NCBP2L: variants seen among roughly 807,000 people sequenced by gnomAD.
NCBP2L encodes the protein nuclear cap-binding protein subunit 2-like.
For synonymous variants in NCBP2L, 39 were observed against 19.2 expected (o/e 2.04, Z -2.70); for missense variants, 95 against 53.1 (o/e 1.79, Z -2.45).
intron 1 of NCBP2L, among the ~76,000 whole-genome samples, chrX:107,783,319 C>A (rs1211847339): frequency 2.0e-5 from 2 of 101,185 alleles, no homozygotes; most frequent in African/African-American, 7.4e-5. Flanking sequence ...CCTGTCTCTA[C>A]TACAAATATA....
At chrX:107,791,667 G>T (rs1278076967) in intron 1 of NCBP2L, among the ~76,000 whole-genome samples, 1 of 112,320 alleles carries the variant, frequency 8.9e-6, no homozygotes, top group Non-Finnish European at 1.9e-5. Context: ...GATTTGATAT[G>T]TATTTGTATA....
At chrX:107,779,205 G>A (rs1930233617) in intron 1 of NCBP2L, among the ~76,000 whole-genome samples, 1 of 111,854 alleles carries the variant, frequency 8.9e-6, no homozygotes, top group Non-Finnish European at 1.9e-5. Flanking sequence ...CATAACCATG[G>A]CAAGTTGAAA....
At chrX:107,794,098 T>C in intron 1 of NCBP2L, 51 bp from the exon 2 acceptor site, 1 of 445,197 alleles carries the variant, frequency 2.2e-6, no homozygotes, top group African/African-American at 2.4e-5. Flanking sequence ...CACAGGTTTA[T>C]ACTTCTGTTT....
intron 1 of NCBP2L, among the ~76,000 whole-genome samples, chrX:107,785,052 G>GGAAAGAAAGAAAGGAAGGAAGGAAGGA (rs1930380422): frequency 1.0e-5 from 1 of 95,831 alleles, no homozygotes; most frequent in Non-Finnish European, 2.1e-5. Flanking sequence ...AAAGAAAGAA[G>GGAAAGAAAGAAAGGAAGGAAGGAAGGA]GAAAGAAAGA....
intron 1 of NCBP2L, among the ~76,000 whole-genome samples, chrX:107,792,392 C>T (rs761664212): frequency 4.6e-5 from 5 of 107,541 alleles, no homozygotes; most frequent in Admixed American, 1.0e-4. Flanking sequence ...TGTTTTTTAA[C>T]GGGGCAATTT....
Position 107,795,703 on chromosome X carries a change from AT to A in NCBP2L, c.*1022del, listed in dbSNP as rs1168048894. 8.9e-6 allele frequency: 1 copy of A among 112,104 alleles called. No individual in the cohort carries two copies. The highest frequency in any genetic ancestry group is 2.8e-4 in the East Asian group (1 of 3,596). 9.2% of individuals were successfully genotyped at this position (112,104 alleles called of 1,213,427 possible). On this transcript the variant is annotated 3_prime_UTR_variant, in exon 2 of 2. Transcript: ENST00000509000. ...ATGCATTTTCAACTTAATATATACA[AT>A]AAGCTTATTAGGATGTAACCCCATC... is the stretch of plus-strand genomic sequence containing the variant.
rs974512507 is a variant in NCBP2L at position 107,795,468 on chromosome X, T to A, written c.*786T>A. On this transcript the variant is annotated 3_prime_UTR_variant, in exon 2 of 2. Transcript: ENST00000509000. ...TTTGGACTTTACAATGGTATAAAAG[T>A]GATGTGCATTCAGTAGAAACCATGC... is the stretch of plus-strand genomic sequence containing the variant. 8.9e-6 allele frequency: 1 copy of A among 111,889 alleles called. No homozygotes were observed. Among genetic ancestry groups the A allele is most frequent in the Non-Finnish European group, 1.9e-5 (1 of 53,242 alleles). 9.2% of individuals were successfully genotyped at this position (111,889 alleles called of 1,213,427 possible).
intron 1 of NCBP2L, among the ~76,000 whole-genome samples, chrX:107,781,692 C>CTCTCTATATATATATATATA (rs1395038482): frequency 7.5e-5 from 5 of 66,917 alleles, no homozygotes; most frequent in Admixed American, 1.6e-4. Flanking sequence ...CTCTCTCTCT[C>CTCTCTATATATATATATATA]TATATATATA....
chrX:107,780,488 G>C (rs1036333831), intron 1 of NCBP2L, among the ~76,000 whole-genome samples: 1 of 110,991 alleles, frequency 9.0e-6, no homozygotes, highest in African/African-American at 3.3e-5. Context: ...TCGGAGACAT[G>C]GAATTGTTTT....
Position 107,794,322 on chromosome X carries a change from A to G in NCBP2L, c.102A>G (p.Leu34=), listed in dbSNP as rs766932478. 5 of 568,697 alleles carry G rather than the reference A, an allele frequency of 8.8e-6. No homozygotes were observed. In the Admixed American group the frequency reaches 1.1e-4, roughly 13 times the overall value. The allele number at this position is 568,697 out of a possible 1,213,427, so 46.9% of individuals were successfully genotyped here. ...GCCGTAAATTTCAGCAGGAAAAATT[A>G]CTGAAGGAAAGCTCCACATTGAATA... is the stretch of plus-strand genomic sequence containing the variant. ...FSGRKFQQEK[L]LKESSTLNMG... Residue 34 remains leucine (L), a synonymous_variant, in exon 2 of 2, where the codon TTA becomes TTG. Coordinates refer to ENST00000509000, the MANE Select transcript of NCBP2L (RefSeq NM_001348372.2).
chrX:107,782,272 T>A (rs867338085), intron 1 of NCBP2L, among the ~76,000 whole-genome samples: 2 of 25,603 alleles, frequency 7.8e-5, no homozygotes, highest in African/African-American at 5.1e-4. Context: ...AATATATATA[T>A]ATAAATATAT....
Position 107,782,260 on chromosome X carries a change from TAA to T in NCBP2L, c.-73+4404_-73+4405del, listed in dbSNP as rs1491558031. 5.2e-4 allele frequency among the ~76,000 whole-genome samples: 14 copies of T among 27,083 alleles called. 3 individuals carry two copies. The highest frequency in any genetic ancestry group is 4.5e-3 in the African/African-American group (10 of 2,216). 23.5% of individuals were successfully genotyped at this position (27,083 alleles called of 115,157 possible). A position where few individuals can be genotyped will look rare whatever the true frequency, so the allele number is the denominator to read the frequency against. ...AAATATATATATATAAATATATATA[TAA>T]ATATATATATATAAATATATATAAA... On this transcript the variant is annotated intron_variant, in intron 1 of 1. Transcript: ENST00000509000.
At chrX:107,783,497 C>T (rs1188331474) in intron 1 of NCBP2L, among the ~76,000 whole-genome samples, 7 of 107,973 alleles carry the variant, frequency 6.5e-5, no homozygotes, top group African/African-American at 2.4e-4. Flanking sequence ...CTCAGCCTCC[C>T]GAGTAGCTGA....
chrX:107,778,207 G>A (rs1487626266), intron 1 of NCBP2L, among the ~76,000 whole-genome samples: 1 of 111,879 alleles, frequency 8.9e-6, no homozygotes, highest in Non-Finnish European at 1.9e-5. Flanking sequence ...GTTTATTTAA[G>A]TTGTGTTTTG....
chrX:107,779,519 C>G (rs1412431255), intron 1 of NCBP2L, among the ~76,000 whole-genome samples: 1 of 111,911 alleles, frequency 8.9e-6, no homozygotes, highest in Admixed American at 9.5e-5. Context: ...ACCTCCACCT[C>G]CCAGGTTCAA....
chrX:107,781,664 A>ATCTCTCTC (rs1306466951), intron 1 of NCBP2L, among the ~76,000 whole-genome samples: 17 of 65,416 alleles, frequency 2.6e-4, no homozygotes, highest in Middle Eastern at 8.8e-3. Flanking sequence ...CTATCTATCT[A>ATCTCTCTC]TCTATCTATC....
Position 107,779,407 on chromosome X carries a change from C to T in NCBP2L, c.-73+1549C>T, listed in dbSNP as rs1042203524. On this transcript the variant is annotated intron_variant, in intron 1 of 1. Transcript: ENST00000509000. ...AAACAAAGATGTAATATTTTCCCAT[C>T]TAAGTTAATTTATCCCCTGAATATT... Among the ~76,000 whole-genome samples the T allele has an allele frequency of 4.5e-5, 5 of 112,212 alleles. No homozygotes were observed. In the Admixed American group the frequency reaches 4.7e-4, roughly 11 times the overall value.
intron 1 of NCBP2L, among the ~76,000 whole-genome samples, chrX:107,784,700 G>A (rs1926395305): frequency 9.3e-6 from 1 of 107,543 alleles, no homozygotes; most frequent in Admixed American, 1.0e-4. Context: ...GGCAGATGCG[G>A]TGGCTCACGC....
Position 107,780,629 on chromosome X carries a change from C to CTT in NCBP2L, c.-73+2790_-73+2791dup, listed in dbSNP as rs984996831. Among the ~76,000 whole-genome samples, 684 of 85,483 alleles carry CTT rather than the reference C, an allele frequency of 8.0e-3. 7 individuals carry two copies. Among genetic ancestry groups the CTT allele is most frequent in the Middle Eastern group, 0.012 (2 of 163 alleles). 74.2% of individuals were successfully genotyped at this position (85,483 alleles called of 115,157 possible). A position where few individuals can be genotyped will look rare whatever the true frequency, so the allele number is the denominator to read the frequency against. On this transcript the variant is annotated intron_variant, in intron 1 of 1. Coordinates refer to ENST00000509000, the MANE Select transcript of NCBP2L (RefSeq NM_001348372.2). ...ACATTAGAATCACCTGGGAAGTTCA[C>CTT]TTTTTTTTTTTTTTTTTTTTGACAG... is the stretch of plus-strand genomic sequence containing the variant.
Sources: gnomAD v4.1 joint callset for allele counts (sites outside exome capture counted in the v4.1 genomes callset) on GRCh38, gnomAD v4.1.1 for gene constraint, MANE v1.5 for transcripts, NCBI Gene and HGNC (gene_info 2026-07-23, HGNC 2026-07-21) for gene names.